The following TNS1 variants were observed in gnomAD, a reference collection of about 807,000 sequenced individuals.
TNS1 encodes tensin-1.
A neutral mutation model predicts 168.6 loss-of-function variants in TNS1; 62 were observed. That is an observed-to-expected ratio of 0.37 (90% confidence interval 0.30 to 0.45). The LOEUF is 0.45. Among genes scored for constraint, TNS1 ranks in the 20% least tolerant of loss-of-function variants. The pLI is 1.00. For synonymous variants in TNS1, 934 were observed against 933.2 expected (o/e 1.00, Z -0.02); for missense variants, 2,240 against 2,339.4 (o/e 0.96, Z 0.88).
At chr2:217,828,012 C>A (rs955707604) in intron 22 of TNS1, among the ~76,000 whole-genome samples, 1 of 152,224 alleles carries the variant, frequency 6.6e-6, no homozygotes, top group Non-Finnish European at 1.5e-5. Flanking sequence ...AGCTGAGAGC[C>A]TATTGCGTGG....
At chr2:217,888,534 T>C (rs578213448) in intron 12 of TNS1, among the ~76,000 whole-genome samples, 1 of 152,272 alleles carries the variant, frequency 6.6e-6, no homozygotes, top group South Asian at 2.1e-4. Context: ...CCAAATCTCA[T>C]CTTGAGTTGT....
rs1168564981 is a variant in TNS1, at chr2:217,893,113, GA to G, written c.718-102del. The G allele has an allele frequency of 8.4e-6, 12 of 1,424,044 alleles. No homozygotes were observed. In the Admixed American group the frequency reaches 1.8e-4, roughly 21 times the overall value. The allele number at this position is 1,424,044 out of a possible 1,614,324, so 88.2% of individuals were successfully genotyped here. On this transcript the variant is annotated intron_variant, in intron 10 of 32. Coordinates refer to ENST00000682258, the MANE Select transcript of TNS1 (RefSeq NM_001387777.1). Reference sequence around the variant, plus strand: ...GGTGGAAAAGAGTCAGGGCTGGAGAGAGGGGTGTGGATTTAAGGGAGAACAT... The same window carrying G: ...GGTGGAAAAGAGTCAGGGCTGGAGAGGGGGTGTGGATTTAAGGGAGAACAT...
At chr2:217,982,691 T>C (rs1272702062) in intron 2 of TNS1, among the ~76,000 whole-genome samples, 3 of 152,090 alleles carry the variant, frequency 2.0e-5, no homozygotes, top group Non-Finnish European at 2.9e-5. Context: ...GAGTGAACCA[T>C]GGACCCAGCC....
chr2:217,883,602 T>C (rs1195470563), intron 16 of TNS1, among the ~76,000 whole-genome samples: 1 of 152,226 alleles, frequency 6.6e-6, no homozygotes, highest in African/African-American at 2.4e-5. Flanking sequence ...TTCGATGGTA[T>C]CTCCTGACTC....
intron 1 of TNS1, among the ~76,000 whole-genome samples, chr2:218,016,377 A>G (rs529791640): frequency 1.3e-5 from 2 of 152,256 alleles, no homozygotes; most frequent in African/African-American, 2.4e-5. Flanking sequence ...CAGATGGATT[A>G]TCAGGTCCCC....
chr2:217,828,797 C>T (rs1574666060), intron 22 of TNS1, among the ~76,000 whole-genome samples: 1 of 152,212 alleles, frequency 6.6e-6, no homozygotes, highest in African/African-American at 2.4e-5. Flanking sequence ...ATTGTATACA[C>T]GGTGAGTCCA....
intron 18 of TNS1, chr2:217,859,373 C>G (rs1948567810): frequency 2.3e-6 from 1 of 427,610 alleles, no homozygotes; most frequent in African/African-American, 2.0e-5. Context: ...TCCCCCTTTC[C>G]CCTCCACAGG....
chr2:217,893,333 T>C (rs1310957813), intron 10 of TNS1, 106 bp downstream of exon 10: 15 of 1,453,896 alleles, frequency 1.0e-5, no homozygotes, highest in African/African-American at 2.8e-5. Context: ...TCCAAAGATA[T>C]AGGCAGGTAC....
At chr2:217,932,477 C>T (rs921927872) in intron 3 of TNS1, among the ~76,000 whole-genome samples, 31 of 152,174 alleles carry the variant, frequency 2.0e-4, no homozygotes, top group African/African-American at 7.5e-4. Flanking sequence ...TGTTACTTCC[C>T]TCTATGTTAA....
intron 4 of TNS1, among the ~76,000 whole-genome samples, chr2:217,916,302 C>A (rs1954997350): frequency 6.6e-6 from 1 of 151,664 alleles, no homozygotes; most frequent in Non-Finnish European, 1.5e-5. Flanking sequence ...CCCTCCAGAC[C>A]CCCCACCCTG....
intron 7 of TNS1, among the ~76,000 whole-genome samples, chr2:217,899,659 C>A (rs1952720942): frequency 6.6e-6 from 1 of 152,232 alleles, no homozygotes; most frequent in South Asian, 2.1e-4. Context: ...CGTGGCCCAT[C>A]TGGGGCACTG....
At chr2:217,820,554 T>G (rs1942675241) in intron 23 of TNS1, among the ~76,000 whole-genome samples, 1 of 152,126 alleles carries the variant, frequency 6.6e-6, no homozygotes, top group Non-Finnish European at 1.5e-5. Flanking sequence ...CCACTGGGCC[T>G]GGCAGGGGAA....
intron 4 of TNS1, among the ~76,000 whole-genome samples, chr2:217,918,319 T>C (rs752657631): frequency 1.3e-5 from 2 of 151,880 alleles, no homozygotes; most frequent in Admixed American, 6.6e-5. Flanking sequence ...CAGAAGGAGG[T>C]GGTCTAACTC....
chr2:217,909,270 C>T (rs1467459951), intron 4 of TNS1, among the ~76,000 whole-genome samples: 1 of 152,154 alleles, frequency 6.6e-6, no homozygotes, highest in East Asian at 1.9e-4. Flanking sequence ...GAAGGGAACT[C>T]CCAGAAGGCA....
At chr2:217,988,292 C>G (rs113173298) in intron 2 of TNS1, among the ~76,000 whole-genome samples, 83 of 152,360 alleles carry the variant, frequency 5.4e-4, no homozygotes, top group Middle Eastern at 6.8e-3. Flanking sequence ...CTTGCTCACC[C>G]TGGGAGCCTT....
At chr2:217,959,816 G>A in intron 3 of TNS1, among the ~76,000 whole-genome samples, 1 of 151,730 alleles carries the variant, frequency 6.6e-6, no homozygotes, top group African/African-American at 2.4e-5. Flanking sequence ...CGCCTCTGTG[G>A]GTGGAGGGAG....
At chr2:218,008,892 T>G (rs1056234849) in intron 1 of TNS1, among the ~76,000 whole-genome samples, 5 of 136,316 alleles carry the variant, frequency 3.7e-5, no homozygotes, top group Non-Finnish European at 6.0e-5. Context: ...AATATCCCTG[T>G]TTTTTTTTTA....
chr2:217,893,679 T>A, intron 9 of TNS1, 118 bp from the exon 10 acceptor site: 1 of 1,415,236 alleles, frequency 7.1e-7, no homozygotes, highest in Non-Finnish European at 9.5e-7. Context: ...TGCTGGTTCC[T>A]GCCAGGACTT....
intron 2 of TNS1, among the ~76,000 whole-genome samples, chr2:217,984,198 T>G (rs1958131328): frequency 6.6e-6 from 1 of 152,192 alleles, no homozygotes; most frequent in African/African-American, 2.4e-5. Context: ...AATCTCTTTT[T>G]TTCTACACAC....
Sources: allele counts gnomAD v4.1 joint callset (sites outside exome capture counted in the v4.1 genomes callset), GRCh38; gene constraint gnomAD v4.1.1; transcripts MANE v1.5; gene names NCBI Gene and HGNC (gene_info 2026-07-23, HGNC 2026-07-21).